The following TTC7A variants were observed in gnomAD, a reference collection of about 807,000 sequenced individuals.
TTC7A encodes the protein tetratricopeptide repeat protein 7A.
A neutral mutation model predicts 103.7 loss-of-function variants in TTC7A; 110 were observed. That is an observed-to-expected ratio of 1.06 (90% confidence interval 0.91 to 1.24). TTC7A has a LOEUF of 1.24. TTC7A is among the 50% of genes most tolerant of loss of function. The pLI, the probability that TTC7A is intolerant of heterozygous loss-of-function variation, is 0.00. For synonymous variants in TTC7A, 521 were observed against 467.9 expected, an observed-to-expected ratio of 1.11 and a Z score of -1.47; for missense variants, 1,340 against 1,116.3, an observed-to-expected ratio of 1.20 and a Z score of -2.86.
chr2:47,008,816 T>G (rs575147966), intron 10 of TTC7A, among the ~76,000 whole-genome samples: 12 of 151,842 alleles, frequency 7.9e-5, no homozygotes, highest in African/African-American at 2.7e-4. Context: ...GAATAATGGA[T>G]GAGTTCCGTG....
At chr2:46,946,141 G>C (rs925820363) in intron 1 of TTC7A, among the ~76,000 whole-genome samples, 3 of 152,192 alleles carry the variant, frequency 2.0e-5, no homozygotes, top group Non-Finnish European at 4.4e-5. Context: ...GACACGATGG[G>C]GTTGGGAGAC....
At chr2:47,047,407 G>A in intron 16 of TTC7A, 1 of 1,024,206 alleles carries the variant, frequency 9.8e-7, no homozygotes, top group Non-Finnish European at 1.5e-6. Context: ...GACCAGGGCA[G>A]AGGAGGACCA....
chr2:47,002,752 C>T (rs1676958387), intron 8 of TTC7A, among the ~76,000 whole-genome samples: 1 of 152,152 alleles, frequency 6.6e-6, no homozygotes, highest in Non-Finnish European at 1.5e-5. Flanking sequence ...TTCCCCCTAC[C>T]CCTCCCTGTT....
intron 10 of TTC7A, among the ~76,000 whole-genome samples, chr2:47,009,921 G>A (rs1677859007): frequency 7.2e-6 from 1 of 138,330 alleles, no homozygotes; most frequent in South Asian, 2.3e-4. Flanking sequence ...GGGGGGACAG[G>A]GGAGGGGGCG....
chr2:47,022,135 A>G (rs573697346), intron 12 of TTC7A, among the ~76,000 whole-genome samples, 156 bp downstream of exon 12: 4 of 152,290 alleles, frequency 2.6e-5, no homozygotes, highest in Non-Finnish European at 5.9e-5. Flanking sequence ...GTGCACACAT[A>G]CACACGTGCA....
At chr2:46,998,204 G>C (rs185601660) in intron 8 of TTC7A, among the ~76,000 whole-genome samples, 154 of 152,244 alleles carry the variant, frequency 1.0e-3, no homozygotes, top group Non-Finnish European at 1.5e-3. Context: ...TTCCCCTTAC[G>C]CACACCCAGC....
chr2:47,030,881 C>T (rs189555655), intron 15 of TTC7A, among the ~76,000 whole-genome samples: 3 of 152,366 alleles, frequency 2.0e-5, no homozygotes, highest in South Asian at 4.1e-4. Context: ...CGCAGTGGCT[C>T]ATGCCTATAA....
At position 46,930,990 on chromosome 2, in the gene TTC7A, A is replaced by T. The variant is rs75318949; in HGVS notation, c.82+13713A>T. ...CCAATGAAGACAGTTCCAGATGAGA[A>T]AATTTAGCCGTATCTCATGGATACC... On this transcript the variant is annotated intron_variant, in intron 2 of 20. Coordinates refer to the TTC7A transcript ENST00000409245. Among the ~76,000 whole-genome samples, 171 of 151,340 alleles carry T rather than the reference A, an allele frequency of 1.1e-3. 4 individuals are homozygous for T. The East Asian group carries it at 0.029, about 25-fold the overall frequency.
In TTC7A at chr2:47,031,891, G is replaced by A. The variant is rs144969292; in HGVS notation, c.1802+2507G>A. On this transcript the variant is annotated intron_variant, in intron 15 of 19. Transcript: ENST00000319190. ...TGGCAGAAAATGGGGTCTGCCCAGCGTGGGGGACCCACTCGTGGCTCCCCA... is the reference window on the plus strand; with the variant it reads ...TGGCAGAAAATGGGGTCTGCCCAGCATGGGGGACCCACTCGTGGCTCCCCA... Among the ~76,000 whole-genome samples, 126 of 152,350 alleles carry A rather than the reference G, an allele frequency of 8.3e-4. No individual in the cohort carries two copies. In the Middle Eastern group the frequency reaches 0.014, roughly 16 times the overall value.
At chr2:47,060,494 A>T (rs1683679132) in intron 18 of TTC7A, among the ~76,000 whole-genome samples, 1 of 152,206 alleles carries the variant, frequency 6.6e-6, no homozygotes, top group Non-Finnish European at 1.5e-5. Context: ...CAAACAAAAA[A>T]TGCTTGTTCT....
chr2:47,014,339 G>A (rs763638570), intron 11 of TTC7A, among the ~76,000 whole-genome samples: 1 of 152,152 alleles, frequency 6.6e-6, no homozygotes, highest in African/African-American at 2.4e-5. Flanking sequence ...TGGTTTGGGG[G>A]TTCTCCCAGC....
At position 47,029,026 on chromosome 2, in the gene TTC7A, T is replaced by C. The variant is rs1361702303; in HGVS notation, c.1642-198T>C. The stretch of plus-strand genomic sequence containing the variant: ...GTGCCACACCACAAACCTGCTTCTC[T>C]TCATTCCTGAGTGTGGCAGCAGACC... On this transcript the variant is annotated intron_variant, in intron 14 of 19. Transcript: ENST00000319190. Among the ~76,000 whole-genome samples, 3 of 152,202 alleles carry C rather than the reference T, an allele frequency of 2.0e-5. No individual in the cohort carries two copies. In the South Asian group the frequency reaches 6.2e-4, roughly 31 times the overall value.
At chr2:47,047,733 G>C (rs1358701306) in intron 16 of TTC7A, among the ~76,000 whole-genome samples, 1 of 152,234 alleles carries the variant, frequency 6.6e-6, no homozygotes, top group Non-Finnish European at 1.5e-5. Context: ...TTGTCTCCCA[G>C]CATTGAAGAC....
At chr2:46,927,017 A>G (rs1238353937) in intron 2 of TTC7A, among the ~76,000 whole-genome samples, 1 of 152,242 alleles carries the variant, frequency 6.6e-6, no homozygotes, top group East Asian at 1.9e-4. Context: ...AGAGAGAATC[A>G]GTAAATTGGA....
chr2:47,070,939 G>A (rs1256588232), intron 19 of TTC7A, among the ~76,000 whole-genome samples: 1 of 152,176 alleles, frequency 6.6e-6, no homozygotes, highest in Admixed American at 6.5e-5. Flanking sequence ...AGCAGATCTG[G>A]TCTCCTCTCT....
upstream of TTC7A, chr2:46,915,988 C>T (rs922452291): frequency 2.0e-6 from 2 of 985,340 alleles, no homozygotes; most frequent in Non-Finnish European, 2.4e-6. Context: ...TACCTGCTTT[C>T]CCAAGGGCGA....
chr2:46,923,361 A>AG (rs70940647), intron 2 of TTC7A, among the ~76,000 whole-genome samples: 26,926 of 152,130 alleles, frequency 0.18, 2,953 homozygotes, highest in African/African-American at 0.31. Context: ...GTCATTCTGA[A>AG]TTACCTGGGG....
intron 5 of TTC7A, among the ~76,000 whole-genome samples, chr2:46,989,013 C>G (rs924086248): frequency 6.6e-6 from 1 of 152,184 alleles, no homozygotes; most frequent in Admixed American, 6.5e-5. Context: ...AAGCCTGTCT[C>G]CCTCACCAGC....
Position 47,029,285 on chromosome 2 carries a change from C to G in TTC7A, c.1703C>G (p.Ala568Gly). ...ALKVRKDDAH[A>G]LHLLALLFSA... ...AAGGTACGCAAGGATGATGCCCACGCCCTCCACCTGCTGGCACTGCTCTTC... is the reference window on the plus strand; with the variant it reads ...AAGGTACGCAAGGATGATGCCCACGGCCTCCACCTGCTGGCACTGCTCTTC... The change falls in exon 15 of 20, where the codon GCC becomes GGC. Residue 568 changes from alanine (A) to glycine (G), a missense_variant. By Grantham distance (60) the Ala-to-Gly change is moderately conservative. Coordinates refer to ENST00000319190, the MANE Select transcript of TTC7A (RefSeq NM_020458.4). 6.2e-7 allele frequency: 1 copy of G among 1,614,100 alleles called. No homozygotes were observed. Among genetic ancestry groups the G allele is most frequent in the East Asian group, 2.2e-5 (1 of 44,880 alleles).
Sources: gnomAD v4.1 joint callset for allele counts (sites outside exome capture counted in the v4.1 genomes callset) on GRCh38, gnomAD v4.1.1 for gene constraint, MANE v1.5 for transcripts, NCBI Gene and HGNC (gene_info 2026-07-23, HGNC 2026-07-21) for gene names.